The following CSTPP1 variants were observed in gnomAD, a reference collection of about 807,000 sequenced individuals.
CSTPP1 encodes the protein centriolar satellite-associated tubulin polyglutamylase complex regulator 1.
the CSTPP1 span, among the ~76,000 whole-genome samples, chr11:47,082,854 T>C: frequency 7.9e-5 from 12 of 152,296 alleles, no homozygotes; most frequent in East Asian, 2.1e-3. Context: ...GTATTTGGTT[T>C]CTTTCACTCA....
the CSTPP1 span, chr11:47,041,802 A>C: frequency 6.2e-6 from 3 of 486,566 alleles, no homozygotes; most frequent in Non-Finnish European, 1.2e-5. Context: ...AGATGATCAG[A>C]ATACTTTCAT....
At chr11:47,118,298 A>C in the CSTPP1 span, among the ~76,000 whole-genome samples, 3 of 152,174 alleles carry the variant, frequency 2.0e-5, no homozygotes, top group African/African-American at 7.2e-5. Context: ...TTTCAGCTCC[A>C]TCAGGTCATT....
chr11:47,036,055 AT>A, the CSTPP1 span, among the ~76,000 whole-genome samples: 4 of 20,350 alleles, frequency 2.0e-4, 1 homozygote, highest in East Asian at 4.4e-4. Flanking sequence ...ATATATATAT[AT>A]TATATATATA....
the CSTPP1 span, among the ~76,000 whole-genome samples, chr11:47,131,136 C>CTT: frequency 4.6e-5 from 7 of 152,326 alleles, no homozygotes; most frequent in South Asian, 1.4e-3. Flanking sequence ...AAGTCTTTGA[C>CTT]TTCAGGCTTT....
At chr11:47,075,926 C>CAA in the CSTPP1 span, among the ~76,000 whole-genome samples, 51 of 35,804 alleles carry the variant, frequency 1.4e-3, no homozygotes, top group Admixed American at 3.7e-3. Flanking sequence ...GATTCATTCT[C>CAA]AAAAAAAAAA....
chr11:46,940,949 A>G, the CSTPP1 span, among the ~76,000 whole-genome samples: 1 of 152,162 alleles, frequency 6.6e-6, no homozygotes, highest in Admixed American at 6.5e-5. Context: ...GCCTTGGTGA[A>G]TAGAAGTTGG....
chr11:46,936,830 C>A, the CSTPP1 span: 188 of 1,604,282 alleles, frequency 1.2e-4, no homozygotes, highest in African/African-American at 2.1e-3. Context: ...GCGCCTAGCC[C>A]TACCGGACTA....
At chr11:46,982,246 C>G in the CSTPP1 span, among the ~76,000 whole-genome samples, 3 of 151,876 alleles carry the variant, frequency 2.0e-5, no homozygotes, top group Non-Finnish European at 1.5e-5. Flanking sequence ...AAGGAAAACT[C>G]TATGTATTTA....
At chr11:47,079,036 C>G in the CSTPP1 span, among the ~76,000 whole-genome samples, 3 of 152,178 alleles carry the variant, frequency 2.0e-5, no homozygotes, top group East Asian at 5.8e-4. Context: ...AGAGACATTC[C>G]AGGGTTCAAA....
the CSTPP1 span, among the ~76,000 whole-genome samples, chr11:47,004,137 G>T: frequency 3.5e-5 from 5 of 143,976 alleles, no homozygotes; most frequent in East Asian, 4.0e-4. Context: ...TTTGTTTTTT[G>T]TTGTTGTTGT....
chr11:47,157,368 C>A, the CSTPP1 span: 1 of 888,798 alleles, frequency 1.1e-6, no homozygotes, highest in Non-Finnish European at 1.6e-6. Flanking sequence ...GCCCCCAAAC[C>A]AGTTGTTGAC....
the CSTPP1 span, among the ~76,000 whole-genome samples, chr11:47,010,014 A>G: frequency 1.4e-4 from 21 of 152,348 alleles, 1 homozygote. Flanking sequence ...TGACACAAAT[A>G]CAATTAAAAT....
chr11:47,076,935 G>T, the CSTPP1 span, among the ~76,000 whole-genome samples: 1 of 142,486 alleles, frequency 7.0e-6, no homozygotes, highest in Non-Finnish European at 1.5e-5. Context: ...AAATTACCCA[G>T]CAAAGGCAAA....
At chr11:47,164,379 A>G in the CSTPP1 span, 1 of 1,114,518 alleles carries the variant, frequency 9.0e-7, no homozygotes, top group Admixed American at 3.1e-5. Context: ...AACAGTCCAG[A>G]AAGAAAGTCA....
At chr11:46,950,176 C>CT in the CSTPP1 span, among the ~76,000 whole-genome samples, 18,977 of 136,276 alleles carry the variant, frequency 0.14, 4,372 homozygotes, top group African/African-American at 0.48. Flanking sequence ...TTTTTCTTTT[C>CT]TTTTTTTTTT....
At chr11:47,135,319 A>G in the CSTPP1 span, among the ~76,000 whole-genome samples, 2 of 152,102 alleles carry the variant, frequency 1.3e-5, no homozygotes, top group African/African-American at 4.8e-5. Flanking sequence ...TGTCAGTGTC[A>G]CTTGCATTTT....
the CSTPP1 span, among the ~76,000 whole-genome samples, chr11:46,951,750 TTAAG>T: frequency 6.6e-6 from 1 of 152,220 alleles, no homozygotes; most frequent in Non-Finnish European, 1.5e-5. Context: ...CTCAAATAAC[TTAAG>T]TAAATTTTCC....
chr11:46,974,888 A>G, the CSTPP1 span, among the ~76,000 whole-genome samples: 3 of 151,450 alleles, frequency 2.0e-5, no homozygotes, highest in African/African-American at 7.3e-5. Context: ...ACACACACAC[A>G]CACACACACA....
chr11:47,161,915 CTG>C, the CSTPP1 span: 1 of 1,217,778 alleles, frequency 8.2e-7, no homozygotes, highest in Non-Finnish European at 1.0e-6. Flanking sequence ...ACGCCGTAGC[CTG>C]TTAGTCCTCC....
Sources: allele counts gnomAD v4.1 joint callset (sites outside exome capture counted in the v4.1 genomes callset), GRCh38; gene constraint gnomAD v4.1.1; transcripts MANE v1.5; gene names NCBI Gene and HGNC (gene_info 2026-07-23, HGNC 2026-07-21).